Variants in PCDHGB5 observed in about 807,000 individuals in gnomAD.
PCDHGB5 encodes the protein protocadherin gamma subfamily B, 5.
Under a neutral mutation model 62.9 loss-of-function variants are expected in PCDHGB5, and 48 were observed. The observed-to-expected ratio is 0.76, with a 90% CI of 0.61 to 0.97. The LOEUF (loss-of-function observed/expected upper bound fraction) is 0.97, where lower values mean the gene tolerates loss of function less well. Among genes scored for constraint, PCDHGB5 ranks in the 50% least tolerant of loss-of-function variants. PCDHGB5 has a pLI of 0.00. For synonymous variants in PCDHGB5, 474 were observed against 511.2 expected (o/e 0.93, Z 0.98); for missense variants, 1,118 against 1,198.6 (o/e 0.93, Z 0.99).
At chr5:141,453,807 A>G (rs752553367) in intron 1 of PCDHGB5, among the ~76,000 whole-genome samples, 3 of 152,250 alleles carry the variant, frequency 2.0e-5, no homozygotes, top group Non-Finnish European at 4.4e-5. Flanking sequence ...GAGTAGTTCC[A>G]TAAAGGACAA....
intron 1 of PCDHGB5, among the ~76,000 whole-genome samples, chr5:141,466,035 C>T (rs10054619): frequency 0.28 from 42,092 of 151,762 alleles, 6,545 homozygotes; most frequent in African/African-American, 0.42. Flanking sequence ...GGCAGGAGAA[C>T]GGCATGAACC....
intron 1 of PCDHGB5, chr5:141,478,401 T>G: frequency 6.2e-7 from 1 of 1,613,480 alleles, no homozygotes; most frequent in South Asian, 1.1e-5. Context: ...CAGGTGTATC[T>G]CACCACGGAC....
At chr5:141,402,120 T>C (rs17097267) in intron 1 of PCDHGB5, among the ~76,000 whole-genome samples, 16,890 of 152,168 alleles carry the variant, frequency 0.11, 1,101 homozygotes, top group African/African-American at 0.17. Context: ...TGTGAAAATT[T>C]CCAACTTTAA....
chr5:141,408,326 G>A, intron 1 of PCDHGB5: 6 of 1,613,904 alleles, frequency 3.7e-6, no homozygotes, highest in Non-Finnish European at 4.2e-6. Context: ...GGAGGAGCTG[G>A]CCAAGGGCTC....
In PCDHGB5 at chr5:141,403,600, T is replaced by C. The variant is rs530169293; in HGVS notation, c.2397+3076T>C. 72 of 1,613,786 alleles carry C rather than the reference T, an allele frequency of 4.5e-5. 1 individual carries two copies. The East Asian group carries it at 1.6e-3, about 35-fold the overall frequency. On this transcript the variant is annotated intron_variant, in intron 1 of 3. Coordinates refer to ENST00000617380, the MANE Select transcript of PCDHGB5 (RefSeq NM_018925.3). ...ACCACCTGGTCCTCACGGCCTCGGATGGCGGCGAGCCGCGTCGCTCCAGCA... is the reference window on the plus strand; with the variant it reads ...ACCACCTGGTCCTCACGGCCTCGGACGGCGGCGAGCCGCGTCGCTCCAGCA...
At position 141,431,034 on chromosome 5, in the gene PCDHGB5, G is replaced by C. The variant is rs372312860; in HGVS notation, c.2397+30510G>C. 2.5e-6 allele frequency: 4 copies of C among 1,613,992 alleles called. No homozygotes were observed. The highest frequency in any genetic ancestry group is 2.7e-5 in the African/African-American group (2 of 74,938). On this transcript the variant is annotated intron_variant, in intron 1 of 3. Coordinates refer to ENST00000617380, the MANE Select transcript of PCDHGB5 (RefSeq NM_018925.3). The surrounding 1 kb of genome is among the most constrained non-coding windows in gnomAD (Gnocchi z 4.8). ...TTGGTCACGGCGGGCAGGATAGACC[G>C]GGAGGAGCTCTGTATGGGGGCCATC...
In PCDHGB5 at chr5:141,493,668, GC is replaced by G. The variant is rs1178535601; in HGVS notation, c.2398-1135del. On this transcript the variant is annotated intron_variant, in intron 1 of 3. Coordinates refer to ENST00000617380, the MANE Select transcript of PCDHGB5 (RefSeq NM_018925.3). This position sits in a 1 kb window ranked among gnomAD's most constrained non-coding sequence, Gnocchi z 4.3. ...CATCCCTGTGCCCTTCTCCATGGCAGCCCCAGAATGGTGCTGGTGACTCCCG... is the reference window on the plus strand; with the variant it reads ...CATCCCTGTGCCCTTCTCCATGGCAGCCCAGAATGGTGCTGGTGACTCCCG... Among the ~76,000 whole-genome samples the G allele has an allele frequency of 6.6e-6, 1 of 152,140 alleles. No individual in the cohort carries two copies. The highest frequency in any genetic ancestry group is 2.4e-5 in the African/African-American group (1 of 41,422).
At chr5:141,455,842 C>T (rs1224197325) in intron 1 of PCDHGB5, among the ~76,000 whole-genome samples, 1 of 150,876 alleles carries the variant, frequency 6.6e-6, no homozygotes, top group Non-Finnish European at 1.5e-5. Context: ...TGTCTATCTG[C>T]ATAAAATAAT....
At position 141,398,704 on chromosome 5, in the gene PCDHGB5, G is replaced by A. The variant is rs1044524998; in HGVS notation, c.577G>A (p.Glu193Lys). The A allele has an allele frequency of 5.6e-6, 9 of 1,613,808 alleles. No individual in the cohort carries two copies. Among genetic ancestry groups the A allele is most frequent in the Non-Finnish European group, 7.6e-6 (9 of 1,179,894 alleles). Residue 193 changes from glutamate to lysine, a missense_variant, in exon 1 of 4, where the codon GAA (glutamate) becomes AAA (lysine). Coordinates refer to ENST00000617380, the MANE Select transcript of PCDHGB5 (RefSeq NM_018925.3). ...GAAACAGGATGGTAGTAAATACCCG[G>A]AACTGGCACTGGAGAAAACCTTAGA... Reference protein sequence around the residue: ...KEKQDGSKYPELALEKTLDRE... With the variant: ...KEKQDGSKYPKLALEKTLDRE...
At chr5:141,409,122 T>G (rs1276365021) in intron 1 of PCDHGB5, 1 of 1,614,026 alleles carries the variant, frequency 6.2e-7, no homozygotes, top group South Asian at 1.1e-5. Context: ...AACCAGTCAT[T>G]TGATTTTGAA....
Position 141,431,732 on chromosome 5 carries a change from G to C in PCDHGB5, c.2397+31208G>C. 1 of 1,614,238 alleles carries C rather than the reference G, an allele frequency of 6.2e-7. No individual in the cohort carries two copies. Among genetic ancestry groups the C allele is most frequent in the Non-Finnish European group, 8.5e-7 (1 of 1,180,046 alleles). On this transcript the variant is annotated intron_variant, in intron 1 of 3. Coordinates refer to ENST00000617380, the MANE Select transcript of PCDHGB5 (RefSeq NM_018925.3). The surrounding 1 kb of genome is among the most constrained non-coding windows in gnomAD (Gnocchi z 4.8). ...GATGGAAGTGCAAGCAATGGATAAT[G>C]CAGGATATTCTGCGCGAGCCAAAGT...
At position 141,477,592 on chromosome 5, in the gene PCDHGB5, T is replaced by G; in HGVS notation, c.2398-17215T>G. On this transcript the variant is annotated intron_variant, in intron 1 of 3. Coordinates refer to ENST00000617380, the MANE Select transcript of PCDHGB5 (RefSeq NM_018925.3). The surrounding 1 kb of genome is among the most constrained non-coding windows in gnomAD (Gnocchi z 4.9). ...CCGACGCCCCGCAGAATGCTCGGCT[T>G]TCTTTCTTTCTCTTGGAGCAAGGAG... The G allele has an allele frequency of 6.2e-7, 1 of 1,614,142 alleles. No homozygotes were observed. Among genetic ancestry groups the G allele is most frequent in the Non-Finnish European group, 8.5e-7 (1 of 1,180,014 alleles).
chr5:141,497,804 T>G (rs1196976996), intron 2 of PCDHGB5, among the ~76,000 whole-genome samples: 1 of 152,186 alleles, frequency 6.6e-6, no homozygotes, highest in Non-Finnish European at 1.5e-5. Context: ...CTTCCCAAAG[T>G]GCTAGAATTA....
At chr5:141,443,199 G>C (rs936013020) in intron 1 of PCDHGB5, among the ~76,000 whole-genome samples, 1 of 152,002 alleles carries the variant, frequency 6.6e-6, no homozygotes. Context: ...ATAGTACAAA[G>C]AGCTTGTCTC....
chr5:141,400,237 A>C lies in PCDHGB5; in HGVS notation c.2110A>C (p.Ile704Leu), dbSNP rs1375797222. ...CTCAGTGCTCTTCCTCCTGGCCGTG[A>C]TTCTGGCCGTTGCCTTGCGCCTGCG... ...LISVLFLLAV[I>L]LAVALRLRRS... The change falls in exon 1 of 4, where the codon ATT becomes CTT. Residue 704 changes from isoleucine (I) to leucine (L), a missense_variant. Coordinates refer to ENST00000617380, the MANE Select transcript of PCDHGB5 (RefSeq NM_018925.3). 6 of 1,613,750 alleles carry C rather than the reference A, an allele frequency of 3.7e-6. No individual in the cohort carries two copies. Among genetic ancestry groups the C allele is most frequent in the African/African-American group, 1.3e-5 (1 of 74,858 alleles).
chr5:141,425,943 C>T (rs2096904576), intron 1 of PCDHGB5, among the ~76,000 whole-genome samples: 1 of 152,220 alleles, frequency 6.6e-6, no homozygotes, highest in African/African-American at 2.4e-5. Flanking sequence ...TGTCTAGTTT[C>T]CTATACATTA....
chr5:141,462,418 T>A (rs1187388192), intron 1 of PCDHGB5, among the ~76,000 whole-genome samples: 2 of 152,250 alleles, frequency 1.3e-5, no homozygotes, highest in African/African-American at 2.4e-5. Context: ...ATATGGTCTA[T>A]CTTGGTGAGT....
At chr5:141,409,096 A>T (rs968537361) in intron 1 of PCDHGB5, 8 of 1,613,956 alleles carry the variant, frequency 5.0e-6, no homozygotes, top group African/African-American at 1.3e-5. Flanking sequence ...ATGAGAAAAC[A>T]GGTATGATTA....
At chr5:141,408,990 AAGTGAC>A (rs769374488) in intron 1 of PCDHGB5, 2 of 1,613,984 alleles carry the variant, frequency 1.2e-6, no homozygotes, top group Non-Finnish European at 1.7e-6. Flanking sequence ...CCTGTGTTGC[AAGTGAC>A]AGCCACTGAC....
Sources: allele counts gnomAD v4.1 joint callset (sites outside exome capture counted in the v4.1 genomes callset), GRCh38; gene constraint gnomAD v4.1.1; non-coding constraint Gnocchi (gnomAD v3.1); transcripts MANE v1.5; gene names NCBI Gene and HGNC (gene_info 2026-07-23, HGNC 2026-07-21).